The following ZMYM1 variants were observed in gnomAD, a reference collection of about 807,000 sequenced individuals.
The protein encoded by ZMYM1 is zinc finger MYM-type containing 1.
In ZMYM1, 39 loss-of-function variants were observed where a neutral mutation model predicts 60.0. The ratio of observed to expected loss-of-function variants is 0.65; its 90% CI spans 0.50 to 0.85. ZMYM1 has a LOEUF of 0.85. Among genes scored for constraint, ZMYM1 ranks in the 40% least tolerant of loss-of-function variants. ZMYM1 has a pLI of 0.00. For missense variants in ZMYM1, 1,171 were observed against 1,309.5 expected, an observed-to-expected ratio of 0.89 and a Z score of 1.63; for synonymous variants, 413 against 454.0, an observed-to-expected ratio of 0.91 and a Z score of 1.15.
At chr1:35,112,214 G>A (rs1644112866) in intron 9 of ZMYM1, 84 bp downstream of exon 9, 3 of 1,411,584 alleles carry the variant, frequency 2.1e-6, no homozygotes, top group Non-Finnish European at 3.0e-6. Context: ...GTCTCGCTCT[G>A]CCACCCAAGC....
At chr1:35,078,537 A>ATTTTTTTTTTTTTTTTTT (rs751468260), upstream of ZMYM1, among the ~76,000 whole-genome samples, 6 of 82,220 alleles carry the variant, frequency 7.3e-5, 1 homozygote, top group African/African-American at 2.0e-4. Flanking sequence ...GGTTATTTTA[A>ATTTTTTTTTTTTTTTTTT]TTTTTTTTTT....
chr1:35,066,426 G>A (rs537565320), intron 1 of ZMYM1, among the ~76,000 whole-genome samples: 1 of 152,316 alleles, frequency 6.6e-6, no homozygotes, highest in South Asian at 2.1e-4. Context: ...CTGAACTCCT[G>A]ATCTCAGGTG....
intron 6 of ZMYM1, among the ~76,000 whole-genome samples, chr1:35,107,305 A>AAC (rs1414418063): frequency 7.9e-6 from 1 of 126,174 alleles, no homozygotes; most frequent in African/African-American, 3.6e-5. Context: ...CTAAAAATAC[A>AAC]AAAAAAAAAA....
At chr1:35,082,363 C>T (rs554064034) in intron 1 of ZMYM1, among the ~76,000 whole-genome samples, 18 of 150,740 alleles carry the variant, frequency 1.2e-4, no homozygotes, top group Admixed American at 3.3e-4. Context: ...TGGAGTCATG[C>T]GCTGTCACCC....
chr1:35,093,583 C>T (rs1466916929), intron 1 of ZMYM1: 1 of 154,102 alleles, frequency 6.5e-6, no homozygotes, highest in Non-Finnish European at 1.4e-5. Context: ...AGGCGTGAGC[C>T]ACCGACCCTG....
In ZMYM1 at chr1:35,093,973, G is replaced by A. The variant is rs1373040145; in HGVS notation, c.-15G>A. ...TAGTTTGGAACTGGAGAATTCCTTTGCATCAGATACTAAAATGAAAGAACC... is the reference window on the plus strand; with the variant it reads ...TAGTTTGGAACTGGAGAATTCCTTTACATCAGATACTAAAATGAAAGAACC... On this transcript the variant is annotated 5_prime_UTR_variant, in exon 2 of 10. Coordinates refer to ENST00000359858, the MANE Select transcript of ZMYM1 (RefSeq NM_024772.5). 3 of 1,582,026 alleles carry A rather than the reference G, an allele frequency of 1.9e-6. No individual in the cohort carries two copies. The highest frequency in any genetic ancestry group is 2.6e-6 in the Non-Finnish European group (3 of 1,162,878).
Position 35,110,406 on chromosome 1 carries a change from GT to G in ZMYM1, c.923del (p.Phe308SerfsTer14). On this transcript the variant is annotated frameshift_variant, in exon 7 of 10. Transcript: ENST00000359858. LOFTEE classifies it high-confidence loss of function. ...ACAGAGCTTTTCTGCTCTATTAATT[GT>G]TTCTCTGCATACAGTAAAGCTAAGA... Reference protein sequence around the residue: ...GKTELFCSINCFSAYSKAKME... With the variant: ...GKTELFCSINXFSAYSKAKME... 1 of 1,579,062 alleles carries G rather than the reference GT, an allele frequency of 6.3e-7. No individual in the cohort carries two copies. The highest frequency in any genetic ancestry group is 8.6e-7 in the Non-Finnish European group (1 of 1,164,640).
upstream of ZMYM1, among the ~76,000 whole-genome samples, chr1:35,075,567 C>A (rs1642152348): frequency 6.6e-6 from 1 of 152,122 alleles, no homozygotes; most frequent in Non-Finnish European, 1.5e-5. Context: ...CCACTCTCTC[C>A]CACCTAGAAG....
chr1:35,076,332 C>T (rs1278074814), upstream of ZMYM1, among the ~76,000 whole-genome samples: 1 of 152,134 alleles, frequency 6.6e-6, no homozygotes, highest in Non-Finnish European at 1.5e-5. Context: ...AAAAAAGGTT[C>T]AATTTCTGGC....
At chr1:35,077,893 T>C (rs1168806090), upstream of ZMYM1, among the ~76,000 whole-genome samples, 1 of 152,224 alleles carries the variant, frequency 6.6e-6, no homozygotes. Flanking sequence ...ATAAATGGAC[T>C]GTGTTTAGGT....
intron 4 of ZMYM1, among the ~76,000 whole-genome samples, chr1:35,097,942 C>T (rs927561277): frequency 6.6e-6 from 1 of 152,166 alleles, no homozygotes; most frequent in African/African-American, 2.4e-5. Flanking sequence ...AGTCACTGCG[C>T]CCGGCCATTT....
At chr1:35,102,380 T>C (rs981826625) in intron 4 of ZMYM1, among the ~76,000 whole-genome samples, 1 of 152,242 alleles carries the variant, frequency 6.6e-6, no homozygotes. Flanking sequence ...TTTTGTAATA[T>C]GCTATTGTAG....
At chr1:35,098,815 G>A (rs539718156) in intron 4 of ZMYM1, among the ~76,000 whole-genome samples, 3 of 152,092 alleles carry the variant, frequency 2.0e-5, no homozygotes, top group African/African-American at 7.2e-5. Flanking sequence ...GCTGAAGCAG[G>A]ACAATTGCTT....
At chr1:35,073,936 A>G (rs144987445) in intron 1 of ZMYM1, among the ~76,000 whole-genome samples, 168 of 152,172 alleles carry the variant, frequency 1.1e-3, no homozygotes, top group Non-Finnish European at 2.1e-3. Flanking sequence ...AGTGTGCGCT[A>G]TCATGCCCAG....
rs762179560 is a variant in ZMYM1 at position 35,114,753 on chromosome 1, A to G, written c.2923A>G (p.Ile975Val). 3.1e-6 allele frequency: 5 copies of G among 1,589,000 alleles called. No individual in the cohort carries two copies. Among genetic ancestry groups the G allele is most frequent in the Middle Eastern group, 3.4e-4 (2 of 5,950 alleles). The change falls in exon 10 of 10, where the codon ATA (isoleucine) becomes GTA (valine). Residue 975 changes from isoleucine (I) to valine (V), a missense_variant. Coordinates refer to ENST00000359858, the MANE Select transcript of ZMYM1 (RefSeq NM_024772.5). ...INIYYQGLDT[I>V]LQNLKLCFSE... ...TATCTATTACCAAGGATTAGATACT[A>G]TATTACAAAATTTAAAGTTATGTTT...
intron 6 of ZMYM1, among the ~76,000 whole-genome samples, chr1:35,109,101 C>A (rs898848805): frequency 1.3e-5 from 2 of 151,880 alleles, no homozygotes; most frequent in African/African-American, 2.4e-5. Flanking sequence ...CTCACTGCAA[C>A]CTCTGTCTTC....
chr1:35,093,378 G>T (rs952032902), intron 1 of ZMYM1: 3 of 152,038 alleles, frequency 2.0e-5, no homozygotes, highest in African/African-American at 7.3e-5. Context: ...CATTCACTGC[G>T]ACCTCCACCT....
Position 35,115,268 on chromosome 1 carries a change from C to T in ZMYM1, c.*9C>T, listed in dbSNP as rs776629485. 9 of 1,541,432 alleles carry T rather than the reference C, an allele frequency of 5.8e-6. No individual in the cohort carries two copies. The highest frequency in any genetic ancestry group is 1.4e-5 in the African/African-American group (1 of 71,906). ...AGATGAAAGAAATATAATACATGCT[C>T]ATTTGAACTTACCTAAAAGACTTGT... On this transcript the variant is annotated 3_prime_UTR_variant, in exon 10 of 10. Coordinates refer to ENST00000359858, the MANE Select transcript of ZMYM1 (RefSeq NM_024772.5).
intron 1 of ZMYM1, among the ~76,000 whole-genome samples, chr1:35,088,434 G>GTATA (rs58346528): frequency 0.12 from 7,805 of 67,698 alleles, 553 homozygotes; most frequent in Middle Eastern, 0.17. Context: ...GTGTTTATGT[G>GTATA]TATATATATA....
Sources: gnomAD v4.1 joint callset for allele counts (sites outside exome capture counted in the v4.1 genomes callset) on GRCh38, gnomAD v4.1.1 for gene constraint, MANE v1.5 for transcripts, NCBI Gene and HGNC (gene_info 2026-07-23, HGNC 2026-07-21) for gene names.